B3GALT1: variants seen among roughly 807,000 people sequenced by gnomAD.
The protein encoded by B3GALT1 is UDP-Gal:betaGlcNAc beta 1,3-galactosyltransferase, polypeptide 1.
B3GALT1 carries 10 observed loss-of-function variants against 23.2 expected under a neutral mutation model. That is an observed-to-expected ratio of 0.43 (90% CI 0.27 to 0.73). The LOEUF is 0.73. B3GALT1 is among the 30% of genes least tolerant of loss of function. The probability of loss-of-function intolerance (pLI) is 0.21; values close to 1 mark genes in which losing one functional copy is unlikely to be tolerated. For missense variants in B3GALT1, 299 were observed against 405.4 expected, an observed-to-expected ratio of 0.74 and a Z score of 2.25; for synonymous variants, 156 against 141.5, an observed-to-expected ratio of 1.10 and a Z score of -0.73.
chr2:167,511,348 A>G (rs1254377930), intron 2 of B3GALT1, among the ~76,000 whole-genome samples: 1 of 152,118 alleles, frequency 6.6e-6, no homozygotes, highest in Non-Finnish European at 1.5e-5. Context: ...GTGATATGGA[A>G]TTCTTGGTTC....
chr2:167,632,293 C>G (rs145046248), intron 2 of B3GALT1, among the ~76,000 whole-genome samples: 153 of 152,152 alleles, frequency 1.0e-3, no homozygotes, highest in African/African-American at 3.4e-3. Context: ...GATTTATAAT[C>G]CTTCAGGTAT....
chr2:167,861,472 CAG>C (rs1389059131), intron 4 of B3GALT1, among the ~76,000 whole-genome samples: 2 of 152,062 alleles, frequency 1.3e-5, no homozygotes, highest in Admixed American at 6.5e-5. Context: ...ACAAAGATAA[CAG>C]AGCCAAAAAA....
rs556209956 is a variant in B3GALT1 at position 167,476,777 on chromosome 2, A to T, written c.-510-13400A>T. Among the ~76,000 whole-genome samples the T allele has an allele frequency of 5.9e-5, 9 of 152,348 alleles. No homozygotes were observed. In the South Asian group the frequency reaches 1.9e-3, roughly 32 times the overall value. On this transcript the variant is annotated intron_variant, in intron 1 of 4. Coordinates refer to ENST00000392690, the MANE Select transcript of B3GALT1 (RefSeq NM_020981.4). ...CAATTCATTTCATCATCTATAATTT[A>T]TTCTTAATTTTAACTAATGAAATGG...
chr2:167,730,965 C>T (rs1032006478), intron 3 of B3GALT1, among the ~76,000 whole-genome samples: 6 of 152,152 alleles, frequency 3.9e-5, no homozygotes, highest in African/African-American at 1.2e-4. Context: ...GAAGAAAGTA[C>T]TAGTATCCTC....
At chr2:167,599,971 C>T (rs1383578491) in intron 2 of B3GALT1, among the ~76,000 whole-genome samples, 2 of 152,124 alleles carry the variant, frequency 1.3e-5, no homozygotes, top group Non-Finnish European at 2.9e-5. Flanking sequence ...ATATTTTTAT[C>T]TGTACTAGAG....
At chr2:167,674,247 C>T (rs1243979669) in intron 3 of B3GALT1, among the ~76,000 whole-genome samples, 1 of 152,022 alleles carries the variant, frequency 6.6e-6, no homozygotes, top group Non-Finnish European at 1.5e-5. Flanking sequence ...TTCAGAAATA[C>T]CCATTAGAGT....
chr2:167,522,511 T>C (rs2105362387), intron 2 of B3GALT1, among the ~76,000 whole-genome samples: 1 of 152,308 alleles, frequency 6.6e-6, no homozygotes, highest in Non-Finnish European at 1.5e-5. Flanking sequence ...TCCGAGATGT[T>C]CATGAAAGTC....
chr2:167,668,922 G>A (rs1019974345), intron 3 of B3GALT1, among the ~76,000 whole-genome samples: 3 of 152,172 alleles, frequency 2.0e-5, no homozygotes, highest in Non-Finnish European at 4.4e-5. Context: ...CGTCGCTCAC[G>A]CTGGGAGCTA....
chr2:167,829,142 T>C (rs1327081865), intron 4 of B3GALT1, among the ~76,000 whole-genome samples: 1 of 152,232 alleles, frequency 6.6e-6, no homozygotes, highest in East Asian at 1.9e-4. Context: ...TTGTCTATAA[T>C]GTCCTACTCA....
chr2:167,622,688 C>T (rs1268384198), intron 2 of B3GALT1, among the ~76,000 whole-genome samples: 1 of 152,058 alleles, frequency 6.6e-6, no homozygotes, highest in Non-Finnish European at 1.5e-5. Flanking sequence ...GGAAATGCAT[C>T]TTACAATTGA....
intron 2 of B3GALT1, among the ~76,000 whole-genome samples, chr2:167,627,841 A>G (rs966356311): frequency 4.6e-5 from 7 of 151,610 alleles, no homozygotes; most frequent in Non-Finnish European, 1.0e-4. Context: ...AGCATTTGCT[A>G]TTGTCAGACT....
intron 3 of B3GALT1, among the ~76,000 whole-genome samples, chr2:167,692,537 A>G (rs1324145957): frequency 6.6e-6 from 1 of 152,124 alleles, no homozygotes; most frequent in Non-Finnish European, 1.5e-5. Context: ...GCTCAGCACA[A>G]TTCCCCCTTA....
intron 1 of B3GALT1, among the ~76,000 whole-genome samples, chr2:167,430,293 G>A (rs1422187394): frequency 6.6e-6 from 1 of 152,170 alleles, no homozygotes; most frequent in African/African-American, 2.4e-5. Flanking sequence ...TAGGAGGAGA[G>A]TGATAGATGA....
At chr2:167,550,736 AAG>A (rs1043993328) in intron 2 of B3GALT1, among the ~76,000 whole-genome samples, 1 of 152,202 alleles carries the variant, frequency 6.6e-6, no homozygotes, top group African/African-American at 2.4e-5. Context: ...AGAGGGATGA[AAG>A]AGAGGAAGTT....
In B3GALT1 at chr2:167,714,794, A is replaced by G. The variant is rs1687118115; in HGVS notation, c.-352+67828A>G. On this transcript the variant is annotated intron_variant, in intron 3 of 4. Coordinates refer to ENST00000392690, the MANE Select transcript of B3GALT1 (RefSeq NM_020981.4). ...TCTATAGGTCTCCAGCTCTTCAGTG[A>G]CATGGCTGATCTTTTCTTCCACTTT... 2.5e-6 allele frequency: 4 copies of G among 1,613,430 alleles called. No homozygotes were observed. The South Asian group carries it at 3.3e-5, about 13-fold the overall frequency.
chr2:167,300,979 T>G (rs376647007), intron 1 of B3GALT1, among the ~76,000 whole-genome samples: 4 of 152,206 alleles, frequency 2.6e-5, no homozygotes, highest in African/African-American at 7.2e-5. Context: ...ATTCCTAGTT[T>G]ATGTTCATCT....
intron 3 of B3GALT1, among the ~76,000 whole-genome samples, chr2:167,703,022 TAG>T (rs918895694): frequency 2.6e-5 from 4 of 152,224 alleles, no homozygotes; most frequent in Admixed American, 2.0e-4. Flanking sequence ...TGTCTATTTC[TAG>T]AGAGTGAATG....
At chr2:167,754,771 A>T (rs773043311) in intron 3 of B3GALT1, among the ~76,000 whole-genome samples, 8 of 152,228 alleles carry the variant, frequency 5.3e-5, no homozygotes, top group Non-Finnish European at 1.2e-4. Flanking sequence ...AAATAAAGAC[A>T]GGTTTTAGTA....
At chr2:167,517,959 A>C (rs1700129176) in intron 2 of B3GALT1, among the ~76,000 whole-genome samples, 1 of 152,044 alleles carries the variant, frequency 6.6e-6, no homozygotes, top group Non-Finnish European at 1.5e-5. Flanking sequence ...TATCAGTGTA[A>C]TCTCATTTGA....
Sources: gnomAD v4.1 joint callset for allele counts (sites outside exome capture counted in the v4.1 genomes callset) on GRCh38, gnomAD v4.1.1 for gene constraint, MANE v1.5 for transcripts, NCBI Gene and HGNC (gene_info 2026-07-23, HGNC 2026-07-21) for gene names.